SPTLC2: variants seen among roughly 807,000 people sequenced by gnomAD.
SPTLC2 encodes the protein serine palmitoyltransferase 2.
Under a neutral mutation model 62.0 loss-of-function variants are expected in SPTLC2, and 21 were observed. The observed-to-expected ratio is 0.34, with a 90% CI of 0.24 to 0.49. The LOEUF (loss-of-function observed/expected upper bound fraction) is 0.49. Ranked by LOEUF, SPTLC2 falls within the 20% of genes least tolerant of loss-of-function variation. The pLI is 0.99. For missense variants in SPTLC2, 511 were observed against 713.0 expected, an observed-to-expected ratio of 0.72 and a Z score of 3.23; for synonymous variants, 261 against 261.8, an observed-to-expected ratio of 1.00 and a Z score of 0.03.
Position 77,506,259 on chromosome 14 carries a change from CA to C in SPTLC2, c.*6024del, listed in dbSNP as rs2079304507. The C allele has an allele frequency of 6.6e-6, 1 of 152,218 alleles. No homozygotes were observed. The highest frequency in any genetic ancestry group is 2.1e-4 in the South Asian group (1 of 4,832). The allele number at this position is 152,218 out of a possible 1,614,324, so 9.4% of individuals were successfully genotyped here. ...TAAAATGTTTAAGCTTTTATTTACACATCCCCTTCTCTCAGTTTCCCAGGTT... is the reference window on the plus strand; with the variant it reads ...TAAAATGTTTAAGCTTTTATTTACACTCCCCTTCTCTCAGTTTCCCAGGTT... On this transcript the variant is annotated 3_prime_UTR_variant, in exon 12 of 12. Coordinates refer to ENST00000216484, the MANE Select transcript of SPTLC2 (RefSeq NM_004863.4).
In SPTLC2 at chr14:77,561,482, G is replaced by A. The variant is rs570435656; in HGVS notation, c.850+914C>T. Among the ~76,000 whole-genome samples the A allele has an allele frequency of 7.2e-4, 109 of 151,828 alleles. 1 individual carries two copies. The highest frequency in any genetic ancestry group is 3.1e-3 in the South Asian group (15 of 4,800). On this transcript the variant is annotated intron_variant, in intron 6 of 11. Transcript: ENST00000216484. ...AAAAATTAGTCAGGTGTGGTGGCGCGCTCCTGTAATCCCAGCTACTCGGGA... is the reference window on the plus strand; with the variant it reads ...AAAAATTAGTCAGGTGTGGTGGCGCACTCCTGTAATCCCAGCTACTCGGGA...
chr14:77,585,536 A>G (rs2079776378), intron 2 of SPTLC2, among the ~76,000 whole-genome samples: 1 of 152,154 alleles, frequency 6.6e-6, no homozygotes, highest in African/African-American at 2.4e-5. Flanking sequence ...GAGGCAAACA[A>G]TCACTGCTTT....
chr14:77,598,759 T>C (rs2079861802), intron 1 of SPTLC2, among the ~76,000 whole-genome samples: 1 of 152,018 alleles, frequency 6.6e-6, no homozygotes, highest in Admixed American at 6.6e-5. Flanking sequence ...GGCAAAATCT[T>C]GCCTCTACAA....
chr14:77,583,886 T>C (rs2079767110), intron 2 of SPTLC2, among the ~76,000 whole-genome samples: 1 of 152,180 alleles, frequency 6.6e-6, no homozygotes, highest in Non-Finnish European at 1.5e-5. Flanking sequence ...CCAAGCAGCC[T>C]TAAGGATATA....
At chr14:77,564,634 T>A (rs1221662490) in intron 5 of SPTLC2, among the ~76,000 whole-genome samples, 2 of 151,600 alleles carry the variant, frequency 1.3e-5, no homozygotes, top group Non-Finnish European at 2.9e-5. Flanking sequence ...ATTCCAAAAC[T>A]GGGATAGGGA....
Position 77,507,170 on chromosome 14 carries a change from G to T in SPTLC2, c.*5114C>A, listed in dbSNP as rs1667737535. ...CTAGAAAAGAGCTGCTTAGAAAACA[G>T]ATGTCACTGGAAATGACAAAAGGAA... On this transcript the variant is annotated 3_prime_UTR_variant, in exon 12 of 12. Transcript: ENST00000216484. The T allele has an allele frequency of 6.6e-6, 1 of 152,132 alleles. No homozygotes were observed. Among genetic ancestry groups the T allele is most frequent in the Non-Finnish European group, 1.5e-5 (1 of 68,036 alleles). 9.4% of individuals were successfully genotyped at this position (152,132 alleles called of 1,614,324 possible). A position where few individuals can be genotyped will look rare whatever the true frequency, so the allele number is the denominator to read the frequency against.
chr14:77,576,994 C>T, intron 3 of SPTLC2, 79 bp from the exon 4 acceptor site: 12 of 1,506,868 alleles, frequency 8.0e-6, no homozygotes, highest in Non-Finnish European at 1.1e-5. Context: ...ACTGGTGACA[C>T]AAAAGGAAGC....
chr14:77,576,658 G>T (rs772323987), intron 4 of SPTLC2, 109 bp downstream of exon 4: 2 of 1,457,792 alleles, frequency 1.4e-6, no homozygotes, highest in Non-Finnish European at 1.9e-6. Context: ...TTATCTAAAT[G>T]ACATGACAAA....
At chr14:77,556,971 C>T in intron 7 of SPTLC2, 70 bp downstream of exon 7, 1 of 1,258,530 alleles carries the variant, frequency 7.9e-7, no homozygotes, top group Non-Finnish European at 1.2e-6. Flanking sequence ...ACTAATGTTC[C>T]CTTCAGTTAA....
chr14:77,518,133 C>T lies in SPTLC2; in HGVS notation c.1474G>A (p.Gly492Ser), dbSNP rs767664894. 3 of 1,614,060 alleles carry T rather than the reference C, an allele frequency of 1.9e-6. No homozygotes were observed. The highest frequency in any genetic ancestry group is 2.2e-5 in the East Asian group (1 of 44,882). Residue 492 changes from glycine to serine, a missense_variant, in exon 11 of 12, where the codon GGT becomes AGT. Coordinates refer to ENST00000216484, the MANE Select transcript of SPTLC2 (RefSeq NM_004863.4). ...GCAGGAAATCCAACCACAACGACAC[C>T]GATGTTCCGCTTCAGCATCTCCCGT... is the stretch of plus-strand genomic sequence containing the variant. ...FGREMLKRNI[G>S]VVVVGFPATP... is the part of the protein sequence containing the mutation.
chr14:77,592,136 C>G (rs1023941514), intron 2 of SPTLC2, among the ~76,000 whole-genome samples: 3 of 150,400 alleles, frequency 2.0e-5, no homozygotes, highest in Non-Finnish European at 4.4e-5. Context: ...ATTCTTAGTA[C>G]GCTACTTTTT....
At chr14:77,611,135 T>TAAAAA (rs2079934404) in intron 1 of SPTLC2, among the ~76,000 whole-genome samples, 1 of 47,028 alleles carries the variant, frequency 2.1e-5, no homozygotes, top group Non-Finnish European at 4.3e-5. Flanking sequence ...CTACTAAAAA[T>TAAAAA]ACAAAAAAAA....
At position 77,561,504 on chromosome 14, in the gene SPTLC2, G is replaced by A. The variant is rs555367925; in HGVS notation, c.850+892C>T. ...CGCGCTCCTGTAATCCCAGCTACTC[G>A]GGAGGCTGAGGCAGGAGAATCGCTT... On this transcript the variant is annotated intron_variant, in intron 6 of 11. Transcript: ENST00000216484. Among the ~76,000 whole-genome samples, 7 of 151,926 alleles carry A rather than the reference G, an allele frequency of 4.6e-5. No individual in the cohort carries two copies. The South Asian group carries it at 6.2e-4, about 14-fold the overall frequency.
chr14:77,521,006 T>G (rs2079382447), intron 10 of SPTLC2, among the ~76,000 whole-genome samples: 1 of 152,254 alleles, frequency 6.6e-6, no homozygotes, highest in African/African-American at 2.4e-5. Flanking sequence ...GGAGGCTTCC[T>G]TACCCTGACC....
At chr14:77,602,200 C>T (rs765689474) in intron 1 of SPTLC2, among the ~76,000 whole-genome samples, 34 of 152,228 alleles carry the variant, frequency 2.2e-4, no homozygotes, top group Non-Finnish European at 4.1e-4. Flanking sequence ...CAAGTCTACA[C>T]TGCAATCCCA....
Position 77,509,809 on chromosome 14 carries a change from A to G in SPTLC2, c.*2475T>C, listed in dbSNP as rs1044614291. ...AAAGTACAGAGGTCCTGCATAGATC[A>G]CAGGAGATTTGTCTCTTCAAAATAA... is the stretch of plus-strand genomic sequence containing the variant. On this transcript the variant is annotated 3_prime_UTR_variant, in exon 12 of 12. Coordinates refer to ENST00000216484, the MANE Select transcript of SPTLC2 (RefSeq NM_004863.4). 4 of 398,190 alleles carry G rather than the reference A, an allele frequency of 1.0e-5. No individual in the cohort carries two copies. Among genetic ancestry groups the G allele is most frequent in the African/African-American group, 8.2e-5 (4 of 48,634 alleles). 24.7% of individuals were successfully genotyped at this position (398,190 alleles called of 1,614,324 possible). A position where few individuals can be genotyped will look rare whatever the true frequency, so the allele number is the denominator to read the frequency against.
intron 9 of SPTLC2, among the ~76,000 whole-genome samples, chr14:77,526,817 CAG>C (rs1398877030): frequency 6.9e-6 from 1 of 145,130 alleles, no homozygotes; most frequent in East Asian, 2.0e-4. Context: ...TTTTTTGAGA[CAG>C]AGTCTCACTC....
rs150359926 is a variant in SPTLC2 at position 77,543,489 on chromosome 14, G to A, written c.1303+8607C>T. On this transcript the variant is annotated intron_variant, in intron 9 of 11. Transcript: ENST00000216484. ...GGCTTGGCTTGGATTTAAGTTAACA[G>A]TTTTAGAGGTAGAAGGCAATACAAT... Among the ~76,000 whole-genome samples, 1,049 of 152,220 alleles carry A rather than the reference G, an allele frequency of 6.9e-3. 6 individuals are homozygous for A. The highest frequency in any genetic ancestry group is 0.024 in the African/African-American group (995 of 41,520).
intron 2 of SPTLC2, among the ~76,000 whole-genome samples, chr14:77,585,818 C>T (rs2079777871): frequency 6.6e-6 from 1 of 152,148 alleles, no homozygotes; most frequent in African/African-American, 2.4e-5. Flanking sequence ...CTTTTAAATG[C>T]CATACTTATT....
Sources: gnomAD v4.1 joint callset for allele counts (sites outside exome capture counted in the v4.1 genomes callset) on GRCh38, gnomAD v4.1.1 for gene constraint, MANE v1.5 for transcripts, NCBI Gene and HGNC (gene_info 2026-07-23, HGNC 2026-07-21) for gene names.